The following RBFOX1 variants were observed in gnomAD, a reference collection of about 807,000 sequenced individuals.
The protein encoded by RBFOX1 is RNA binding protein fox-1 homolog 1.
RBFOX1 carries 8 observed loss-of-function variants against 57.7 expected under a neutral mutation model. The ratio of observed to expected loss-of-function variants is 0.14; its 90% CI spans 0.08 to 0.25. RBFOX1 has a LOEUF of 0.25. Ranked by LOEUF, RBFOX1 falls within the 10% of genes least tolerant of loss-of-function variation. The pLI, the probability that RBFOX1 is intolerant of heterozygous loss-of-function variation, is 1.00. For synonymous variants in RBFOX1, 326 were observed against 222.4 expected (o/e 1.47, Z -4.15); for missense variants, 611 against 548.5 (o/e 1.11, Z -1.14).
intron 3 of RBFOX1, among the ~76,000 whole-genome samples, chr16:6,684,357 T>A (rs1466598940): frequency 1.3e-5 from 2 of 152,212 alleles, no homozygotes; most frequent in African/African-American, 4.8e-5. Flanking sequence ...TTTTTGATTT[T>A]GTAATTTTCC....
chr16:7,634,561 A>C (rs529323278), intron 11 of RBFOX1, among the ~76,000 whole-genome samples: 8 of 152,300 alleles, frequency 5.3e-5, no homozygotes, highest in Non-Finnish European at 1.0e-4. Flanking sequence ...GCATTTTTGC[A>C]TAACAGTGAG....
intron 3 of RBFOX1, among the ~76,000 whole-genome samples, chr16:6,965,168 C>T (rs562336113): frequency 2.0e-5 from 3 of 152,114 alleles, no homozygotes; most frequent in African/African-American, 7.2e-5. Context: ...CTGCAGATTG[C>T]TGTGGTGGTA....
At chr16:7,543,050 A>G (rs2083393716) in intron 5 of RBFOX1, among the ~76,000 whole-genome samples, 1 of 152,142 alleles carries the variant, frequency 6.6e-6, no homozygotes, top group African/African-American at 2.4e-5. Flanking sequence ...GAACAATCCT[A>G]TAGGTGGGGG....
intron 3 of RBFOX1, among the ~76,000 whole-genome samples, chr16:5,692,644 C>G (rs150973446): frequency 3.2e-4 from 49 of 152,172 alleles, no homozygotes; most frequent in Admixed American, 7.9e-4. Flanking sequence ...TGAGTACGTA[C>G]ACACTCCTAC....
At chr16:6,646,287 A>G (rs1364407762) in intron 2 of RBFOX1, among the ~76,000 whole-genome samples, 2 of 152,312 alleles carry the variant, frequency 1.3e-5, no homozygotes, top group East Asian at 3.9e-4. Flanking sequence ...AGCATTGTTC[A>G]GAAGCAAATG....
At chr16:6,293,777 A>T (rs897070582) in intron 1 of RBFOX1, among the ~76,000 whole-genome samples, 1 of 114,406 alleles carries the variant, frequency 8.7e-6, no homozygotes, top group Non-Finnish European at 2.0e-5. Flanking sequence ...TCCTAACCAG[A>T]GGGTCCAGGA....
intron 4 of RBFOX1, among the ~76,000 whole-genome samples, chr16:7,148,135 A>G (rs1379734658): frequency 6.6e-6 from 1 of 152,212 alleles, no homozygotes; most frequent in Non-Finnish European, 1.5e-5. Context: ...TTAGGAAAAC[A>G]AAGCAAAAAA....
intron 2 of RBFOX1, among the ~76,000 whole-genome samples, chr16:6,521,377 A>T (rs1334875908): frequency 6.6e-6 from 1 of 151,564 alleles, no homozygotes; most frequent in Non-Finnish European, 1.5e-5. Context: ...ATTTTAATTA[A>T]ACCTTTCCTT....
At chr16:6,341,013 G>A (rs893744778) in intron 2 of RBFOX1, among the ~76,000 whole-genome samples, 1 of 152,194 alleles carries the variant, frequency 6.6e-6, no homozygotes, top group African/African-American at 2.4e-5. Context: ...GAGATGGGCA[G>A]TGTCCACTGT....
chr16:7,584,220 G>C (rs1028024889), intron 6 of RBFOX1, among the ~76,000 whole-genome samples: 10 of 152,102 alleles, frequency 6.6e-5, no homozygotes, highest in African/African-American at 2.2e-4. Context: ...GAGAAATATT[G>C]TTTGATCTGA....
At chr16:6,473,860 G>C (rs541489236) in intron 2 of RBFOX1, among the ~76,000 whole-genome samples, 12 of 152,286 alleles carry the variant, frequency 7.9e-5, no homozygotes, top group African/African-American at 2.6e-4. Flanking sequence ...GGCTTTCTCT[G>C]ATTGGTCCGA....
chr16:7,151,191 C>A (rs916420561), intron 4 of RBFOX1, among the ~76,000 whole-genome samples: 2 of 152,134 alleles, frequency 1.3e-5, no homozygotes, highest in Admixed American at 1.3e-4. Flanking sequence ...TGGCAAAAAT[C>A]AGATCTCACT....
At chr16:5,339,534 A>T (rs2064988535) in intron 1 of RBFOX1, among the ~76,000 whole-genome samples, 3 of 119,300 alleles carry the variant, frequency 2.5e-5, no homozygotes, top group Admixed American at 2.4e-4. Flanking sequence ...TCAGGCCGGA[A>T]TGCAGTGTCA....
chr16:6,513,121 A>T (rs2096287828), intron 2 of RBFOX1, among the ~76,000 whole-genome samples: 1 of 152,116 alleles, frequency 6.6e-6, no homozygotes, highest in South Asian at 2.1e-4. Flanking sequence ...CAGCTCTACC[A>T]CCCATTCTTA....
intron 2 of RBFOX1, among the ~76,000 whole-genome samples, chr16:6,337,966 A>C (rs2084004421): frequency 6.6e-6 from 1 of 152,128 alleles, no homozygotes; most frequent in African/African-American, 2.4e-5. Context: ...CATTTTCACA[A>C]AGTCAGAAAA....
intron 1 of RBFOX1, among the ~76,000 whole-genome samples, chr16:6,084,205 G>T (rs2096053625): frequency 6.6e-6 from 1 of 151,956 alleles, no homozygotes; most frequent in Non-Finnish European, 1.5e-5. Context: ...CCAGAAATTT[G>T]CAGTATTTAA....
At chr16:7,553,590 C>G (rs2087297109) in intron 5 of RBFOX1, among the ~76,000 whole-genome samples, 2 of 152,198 alleles carry the variant, frequency 1.3e-5, no homozygotes, top group Non-Finnish European at 2.9e-5. Context: ...GGCAAAATTT[C>G]AAACTCAAAT....
intron 1 of RBFOX1, among the ~76,000 whole-genome samples, chr16:5,299,424 TATTCTC>T (rs1336153062): frequency 1.3e-5 from 2 of 152,238 alleles, no homozygotes; most frequent in African/African-American, 2.4e-5. Flanking sequence ...TGTGTGAACA[TATTCTC>T]ATTCTTTTAG....
At chr16:7,312,547 C>G (rs1002045971) in intron 4 of RBFOX1, among the ~76,000 whole-genome samples, 2 of 152,134 alleles carry the variant, frequency 1.3e-5, no homozygotes, top group South Asian at 4.2e-4. Flanking sequence ...ACTTGGGTGT[C>G]ACTCCGGGTC....
Sources: allele counts gnomAD v4.1 joint callset (sites outside exome capture counted in the v4.1 genomes callset), GRCh38; gene constraint gnomAD v4.1.1; transcripts MANE v1.5; gene names NCBI Gene and HGNC (gene_info 2026-07-23, HGNC 2026-07-21).